The following PACRG variants were observed in gnomAD, a reference collection of about 807,000 sequenced individuals.
The protein encoded by PACRG is parkin coregulated, also known as parkin coregulated gene protein.
PACRG carries 29 observed loss-of-function variants against 29.7 expected under a neutral mutation model. The ratio of observed to expected loss-of-function variants is 0.98; its 90% CI spans 0.73 to 1.33. The LOEUF (loss-of-function observed/expected upper bound fraction) is 1.33. Ranked by LOEUF, PACRG falls within the 40% of genes most tolerant of loss-of-function variation. The pLI is 0.00. For missense variants in PACRG, 279 were observed against 316.2 expected, an observed-to-expected ratio of 0.88 and a Z score of 0.89; for synonymous variants, 116 against 118.7, an observed-to-expected ratio of 0.98 and a Z score of 0.15.
chr6:163,111,238 C>T (rs1198289020), intron 4 of PACRG, among the ~76,000 whole-genome samples: 1 of 152,160 alleles, frequency 6.6e-6, no homozygotes, highest in Non-Finnish European at 1.5e-5. Context: ...TGCCTGGCAC[C>T]AACTCATACC....
At chr6:162,811,156 A>G (rs1786831611) in intron 1 of PACRG, among the ~76,000 whole-genome samples, 1 of 152,222 alleles carries the variant, frequency 6.6e-6, no homozygotes, top group Non-Finnish European at 1.5e-5. Context: ...GTGCTAAAAG[A>G]TAGAACCATG....
At chr6:163,201,487 G>C (rs962960106) in intron 4 of PACRG, among the ~76,000 whole-genome samples, 5 of 152,212 alleles carry the variant, frequency 3.3e-5, no homozygotes, top group Non-Finnish European at 7.3e-5. Flanking sequence ...CAGGAATCGG[G>C]CTGTGTGGGG....
intron 1 of PACRG, among the ~76,000 whole-genome samples, chr6:162,737,258 C>T (rs1298178405): frequency 6.6e-6 from 1 of 152,160 alleles, no homozygotes; most frequent in African/African-American, 2.4e-5. Flanking sequence ...CCTCTGAAAC[C>T]TATTCATGAT....
chr6:162,825,802 C>A (rs377098858), intron 2 of PACRG, among the ~76,000 whole-genome samples: 2 of 152,276 alleles, frequency 1.3e-5, no homozygotes, highest in African/African-American at 4.8e-5. Flanking sequence ...ACATTCTGAA[C>A]CTCTTTTGAT....
At chr6:162,792,520 C>T (rs572981598) in intron 1 of PACRG, among the ~76,000 whole-genome samples, 2 of 152,150 alleles carry the variant, frequency 1.3e-5, no homozygotes, top group Non-Finnish European at 2.9e-5. Context: ...CGTGATAGAA[C>T]AGGCCAAGGA....
intron 4 of PACRG, among the ~76,000 whole-genome samples, chr6:163,301,255 A>G (rs1784992110): frequency 1.3e-5 from 2 of 152,242 alleles, no homozygotes; most frequent in Admixed American, 6.5e-5. Context: ...ACAAAAAGGA[A>G]GTAAACAGAG....
At chr6:163,301,010 TGAGTTTAGTAGGGCCACGTCAGC>T (rs1784977661) in intron 4 of PACRG, among the ~76,000 whole-genome samples, 1 of 138,914 alleles carries the variant, frequency 7.2e-6, no homozygotes, top group Non-Finnish European at 1.6e-5. Context: ...CTGCTTCCCG[TGAGTTTAGTAGGGCCACGTCAGC>T]TGCTGCCCGT....
chr6:163,309,079 C>G (rs900247602), intron 4 of PACRG, among the ~76,000 whole-genome samples: 2 of 152,142 alleles, frequency 1.3e-5, no homozygotes, highest in Non-Finnish European at 2.9e-5. Context: ...TTACCTGGCC[C>G]CAGTGGGGAA....
At chr6:162,807,041 C>A (rs921864011) in intron 1 of PACRG, among the ~76,000 whole-genome samples, 6 of 152,230 alleles carry the variant, frequency 3.9e-5, no homozygotes, top group African/African-American at 1.4e-4. Context: ...GAGATGGTTT[C>A]TTTCCATACA....
chr6:162,738,927 C>A (rs1055877981), intron 1 of PACRG, among the ~76,000 whole-genome samples: 1 of 152,102 alleles, frequency 6.6e-6, no homozygotes, highest in Non-Finnish European at 1.5e-5. Context: ...CTTTTTAGTT[C>A]ATTCTCATAC....
intron 2 of PACRG, among the ~76,000 whole-genome samples, chr6:162,890,315 G>A (rs1246947768): frequency 6.6e-6 from 1 of 152,038 alleles, no homozygotes; most frequent in Non-Finnish European, 1.5e-5. Flanking sequence ...GAAACCTTAT[G>A]ATATGATATG....
At chr6:162,791,307 G>GTT (rs141410582) in intron 1 of PACRG, among the ~76,000 whole-genome samples, 10,212 of 115,882 alleles carry the variant, frequency 0.088, 482 homozygotes, top group Middle Eastern at 0.11. Flanking sequence ...TAGTTTGTTT[G>GTT]TTTGTTTTTT....
At chr6:163,128,979 G>GT (rs1236210994) in intron 4 of PACRG, among the ~76,000 whole-genome samples, 4 of 152,114 alleles carry the variant, frequency 2.6e-5, no homozygotes, top group Non-Finnish European at 5.9e-5. Context: ...TAAATGTTAA[G>GT]TATAAGAGAA....
chr6:163,237,974 TC>T, intron 4 of PACRG, among the ~76,000 whole-genome samples: 1 of 152,354 alleles, frequency 6.6e-6, no homozygotes, highest in South Asian at 2.1e-4. Flanking sequence ...CAGCTAAAGT[TC>T]CTGGGGCTTT....
intron 1 of PACRG, among the ~76,000 whole-genome samples, chr6:162,760,510 C>G (rs991056555): frequency 6.6e-6 from 1 of 152,090 alleles, no homozygotes; most frequent in East Asian, 1.9e-4. Context: ...AGGAAAGAAC[C>G]AGGGTACCAA....
At chr6:162,784,753 C>T (rs1784332391) in intron 1 of PACRG, among the ~76,000 whole-genome samples, 1 of 152,106 alleles carries the variant, frequency 6.6e-6, no homozygotes, top group Admixed American at 6.5e-5. Context: ...AAGGCAGACT[C>T]AGTGCTCACT....
At chr6:162,990,456 A>G (rs904141179) in intron 2 of PACRG, among the ~76,000 whole-genome samples, 1 of 147,966 alleles carries the variant, frequency 6.8e-6, no homozygotes, top group African/African-American at 2.5e-5. Context: ...GATATCTCAG[A>G]GTGGTTTTGA....
Position 162,994,724 on chromosome 6 carries a change from G to A in PACRG, c.292-67426G>A, listed in dbSNP as rs1803799407. ...GCTCAGAGTAATTTGATCGTCTGAAGCCTTCTTCTCTCAGCTCGTCAAAGT... is the reference window on the plus strand; with the variant it reads ...GCTCAGAGTAATTTGATCGTCTGAAACCTTCTTCTCTCAGCTCGTCAAAGT... On this transcript the variant is annotated intron_variant, in intron 2 of 4. Coordinates refer to ENST00000366888, the MANE Select transcript of PACRG (RefSeq NM_001080379.2). 2.0e-5 allele frequency among the ~76,000 whole-genome samples: 3 copies of A among 147,730 alleles called. No individual in the cohort carries two copies. The South Asian group carries it at 6.4e-4, about 32-fold the overall frequency.
chr6:162,732,591 GGAGA>G (rs761510729), intron 1 of PACRG, among the ~76,000 whole-genome samples: 1 of 152,200 alleles, frequency 6.6e-6, no homozygotes, highest in Non-Finnish European at 1.5e-5. Flanking sequence ...GTGAAGAAAA[GGAGA>G]GAGACAAGTA....
Sources: gnomAD v4.1 joint callset for allele counts (sites outside exome capture counted in the v4.1 genomes callset) on GRCh38, gnomAD v4.1.1 for gene constraint, MANE v1.5 for transcripts, NCBI Gene and HGNC (gene_info 2026-07-23, HGNC 2026-07-21) for gene names.